Variants in IL34 observed in about 807,000 individuals in gnomAD.
IL34 encodes the protein interleukin 34.
IL34 carries 17 observed loss-of-function variants against 25.3 expected under a neutral mutation model. The ratio of observed to expected loss-of-function variants is 0.67; its 90% confidence interval spans 0.46 to 1.01. The LOEUF (loss-of-function observed/expected upper bound fraction) is 1.01, where lower values mean the gene tolerates loss of function less well. Among genes scored for constraint, IL34 ranks in the 50% least tolerant of loss-of-function variants. The probability of loss-of-function intolerance (pLI) is 0.00; values close to 1 mark genes in which losing one functional copy is unlikely to be tolerated. For missense variants in IL34, 368 were observed against 312.9 expected (o/e 1.18, Z -1.33); for synonymous variants, 174 against 140.9 (o/e 1.23, Z -1.66).
intron 1 of IL34, among the ~76,000 whole-genome samples, chr16:70,639,967 AAGAC>A (rs1039584472): frequency 7.7e-4 from 117 of 152,122 alleles, no homozygotes; most frequent in African/African-American, 2.7e-3. Context: ...CCGAAAAAAA[AAGAC>A]AGAGGAACAT....
upstream of IL34, among the ~76,000 whole-genome samples, chr16:70,644,160 A>T (rs181752758): frequency 1.5e-4 from 23 of 152,158 alleles, no homozygotes; most frequent in Admixed American, 2.6e-4. Flanking sequence ...TTTTTAGTAG[A>T]GACAGGGTTT....
intron 1 of IL34, among the ~76,000 whole-genome samples, chr16:70,641,023 G>T (rs1297752591): frequency 2.6e-5 from 4 of 152,182 alleles, no homozygotes; most frequent in Non-Finnish European, 5.9e-5. Context: ...TGTAATCCCA[G>T]CACGTTGGGA....
chr16:70,647,605 A>T (rs1597775827), intron 1 of IL34, among the ~76,000 whole-genome samples: 4 of 152,174 alleles, frequency 2.6e-5, no homozygotes, highest in Admixed American at 2.0e-4. Flanking sequence ...AATTGACTCA[A>T]ATTCAACACA....
At chr16:70,611,408 C>T (rs949493823) in intron 1 of IL34, among the ~76,000 whole-genome samples, 3 of 152,154 alleles carry the variant, frequency 2.0e-5, no homozygotes, top group African/African-American at 7.2e-5. Flanking sequence ...TACCATTCTA[C>T]ACCTGCAGGG....
intron 1 of IL34, among the ~76,000 whole-genome samples, chr16:70,637,864 G>A (rs544344395): frequency 3.9e-4 from 59 of 152,210 alleles, no homozygotes; most frequent in African/African-American, 1.4e-3. Context: ...TAAAGCAATC[G>A]GCACATGGTC....
intron 2 of IL34, among the ~76,000 whole-genome samples, chr16:70,655,191 T>C (rs911996766): frequency 4.0e-5 from 6 of 151,680 alleles, no homozygotes; most frequent in African/African-American, 1.5e-4. Flanking sequence ...TAGCTGGGAC[T>C]ACAGGTGCGC....
intron 1 of IL34, among the ~76,000 whole-genome samples, chr16:70,621,222 T>G (rs1330671258): frequency 1.3e-5 from 2 of 152,120 alleles, no homozygotes; most frequent in Non-Finnish European, 2.9e-5. Context: ...CTGACACCCT[T>G]GAAGCGTGCC....
chr16:70,653,120 C>G lies in IL34; in HGVS notation c.29-1418C>G, dbSNP rs541144259. 2.0e-5 allele frequency among the ~76,000 whole-genome samples: 3 copies of G among 151,688 alleles called. No individual in the cohort carries two copies. In the East Asian group the frequency reaches 5.9e-4, roughly 30 times the overall value. On this transcript the variant is annotated intron_variant, in intron 1 of 5. Coordinates refer to ENST00000288098, the MANE Select transcript of IL34 (RefSeq NM_001393494.1). ...ACTTGGGAGGCTGAGGCCTGAGGCA[C>G]GAGAATTGCTTGAGCCTGGGAGGTG...
intron 1 of IL34, among the ~76,000 whole-genome samples, chr16:70,632,309 T>G (rs1170658602): frequency 1.3e-5 from 2 of 152,198 alleles, no homozygotes; most frequent in African/African-American, 4.8e-5. Context: ...CTAATCCTCA[T>G]GCAGATATCT....
chr16:70,620,471 G>A (rs113232202), intron 1 of IL34, among the ~76,000 whole-genome samples: 16 of 151,876 alleles, frequency 1.1e-4, no homozygotes, highest in Non-Finnish European at 1.8e-4. Flanking sequence ...GTGGAGGAGC[G>A]GAGGCTGAGG....
intron 1 of IL34, among the ~76,000 whole-genome samples, chr16:70,625,605 C>T (rs1239901497): frequency 2.0e-5 from 3 of 152,110 alleles, no homozygotes; most frequent in Non-Finnish European, 4.4e-5. Context: ...CGTGGTCTGA[C>T]ACCTTTGAAA....
intron 5 of IL34, 33 bp downstream of exon 5, chr16:70,659,786 T>G: frequency 6.3e-7 from 1 of 1,576,004 alleles, no homozygotes; most frequent in East Asian, 2.3e-5. Flanking sequence ...CGCCTGGGGG[T>G]GGGAGGCCAG....
intron 1 of IL34, among the ~76,000 whole-genome samples, chr16:70,621,501 G>A (rs1269475728): frequency 6.6e-6 from 1 of 152,096 alleles, no homozygotes; most frequent in East Asian, 1.9e-4. Context: ...GGGCTGGTCG[G>A]TCTGAGGACC....
chr16:70,653,805 C>CTTAA (rs2052142217), intron 1 of IL34, among the ~76,000 whole-genome samples: 1 of 152,156 alleles, frequency 6.6e-6, no homozygotes. Context: ...CTCTGATGGA[C>CTTAA]TTAACCTTTA....
At chr16:70,634,557 A>G (rs887257133) in intron 1 of IL34, among the ~76,000 whole-genome samples, 8 of 151,922 alleles carry the variant, frequency 5.3e-5, no homozygotes, top group Non-Finnish European at 7.4e-5. Context: ...GCACGTGCCT[A>G]TAATCCCAGG....
intron 1 of IL34, among the ~76,000 whole-genome samples, chr16:70,606,985 T>G (rs568698106): frequency 7.2e-4 from 110 of 152,360 alleles, no homozygotes; most frequent in African/African-American, 2.4e-3. Context: ...TTTCCAGCTT[T>G]TGGTGCTAGT....
intron 1 of IL34, among the ~76,000 whole-genome samples, chr16:70,601,642 T>G (rs1374417755): frequency 6.6e-6 from 1 of 152,182 alleles, no homozygotes; most frequent in Non-Finnish European, 1.5e-5. Context: ...TCAAGTGATT[T>G]GCCTGTCTTG....
chr16:70,586,887 T>C (rs996679874), intron 1 of IL34, among the ~76,000 whole-genome samples: 1 of 152,178 alleles, frequency 6.6e-6, no homozygotes, highest in East Asian at 1.9e-4. Flanking sequence ...TGTGCCCTGA[T>C]TCACCTGTGG....
intron 1 of IL34, among the ~76,000 whole-genome samples, chr16:70,599,865 A>G (rs1043554479): frequency 1.3e-5 from 2 of 151,894 alleles, no homozygotes; most frequent in African/African-American, 4.8e-5. Context: ...AATTTTGTAG[A>G]GATGGGGTCT....
Sources: gnomAD v4.1 joint callset for allele counts (sites outside exome capture counted in the v4.1 genomes callset) on GRCh38, gnomAD v4.1.1 for gene constraint, MANE v1.5 for transcripts, NCBI Gene and HGNC (gene_info 2026-07-23, HGNC 2026-07-21) for gene names.